Variants in DUOX2 observed in about 807,000 individuals in gnomAD.
DUOX2 encodes NADH/NADPH thyroid oxidase p138-tox.
In DUOX2, 185 loss-of-function variants were observed where a neutral mutation model predicts 183.3. The ratio of observed to expected loss-of-function variants is 1.01; its 90% CI spans 0.90 to 1.14. DUOX2 has a LOEUF of 1.14. Among genes scored for constraint, DUOX2 ranks in the 50% most tolerant of loss-of-function variants. The pLI is 0.00. For missense variants in DUOX2, 1,999 were observed against 2,022.9 expected (o/e 0.99, Z 0.23); for synonymous variants, 788 against 812.4 (o/e 0.97, Z 0.51).
At chr15:45,094,753 C>T in intron 32 of DUOX2, 62 bp from the exon 33 acceptor site, 1 of 1,606,334 alleles carries the variant, frequency 6.2e-7, no homozygotes, top group Non-Finnish European at 8.5e-7. Flanking sequence ...CCCGAGCCAG[C>T]CCACATAGCC....
At chr15:45,100,543 T>A in intron 23 of DUOX2, 1 of 631,318 alleles carries the variant, frequency 1.6e-6, no homozygotes, top group East Asian at 2.7e-5. Context: ...ACTATCATCC[T>A]GTTGAGCCAG....
chr15:45,097,355 G>T lies in DUOX2; in HGVS notation c.3730C>A (p.Pro1244Thr). Residue 1244 changes from proline to threonine, a missense_variant, in exon 29 of 34, where the codon CCC becomes ACC. Around this residue, in one of 3 missense-constraint regions of DUOX2, gnomAD observed 1,628 missense variants for 1,608.6 expected, o/e 1.01. Coordinates refer to ENST00000389039, the MANE Select transcript of DUOX2 (RefSeq NM_001363711.2). ...IHGSYALIQL[P>T]TFHIYFLVPA... ...ACCAGGAAGTAGATGTGGAAAGTGG[G>T]CAGCTGGATCAGAGCATAGCTGCCA... 6.2e-7 allele frequency: 1 copy of T among 1,614,260 alleles called. No individual in the cohort carries two copies. The highest frequency in any genetic ancestry group is 8.5e-7 in the Non-Finnish European group (1 of 1,180,038).
At position 45,094,674 on chromosome 15, in the gene DUOX2, G is replaced by A. The variant is rs1159282026; in HGVS notation, c.4413C>T (p.His1471=). ...GACTCCGGTTCAGCACTTTCTGGAA[G>A]TGCCGCTCGCAGATGTACTGGGGGC... The part of the protein sequence containing the change: ...RTTMLYICER[H]FQKVLNRSLF... The change falls in exon 33 of 34, where the codon CAC becomes CAT. Residue 1471 remains histidine, a synonymous_variant. Coordinates refer to ENST00000389039, the MANE Select transcript of DUOX2 (RefSeq NM_001363711.2). 1.2e-6 allele frequency: 2 copies of A among 1,614,018 alleles called. No homozygotes were observed. Among genetic ancestry groups the A allele is most frequent in the East Asian group, 2.2e-5 (1 of 44,890 alleles).
At chr15:45,105,096 T>C (rs796625398) in intron 18 of DUOX2, among the ~76,000 whole-genome samples, 8 of 152,336 alleles carry the variant, frequency 5.3e-5, no homozygotes, top group Non-Finnish European at 7.3e-5. Flanking sequence ...GCTGGGATTA[T>C]AGGCATGAGC....
intron 29 of DUOX2, 134 bp from the exon 30 acceptor site, chr15:45,096,194 G>C (rs1893896431): frequency 3.9e-6 from 3 of 760,434 alleles, no homozygotes; most frequent in Non-Finnish European, 4.6e-6. Context: ...CGGGGCTCCT[G>C]GGGCTGGGAG....
chr15:45,110,094 A>G, intron 9 of DUOX2, 114 bp from the exon 10 acceptor site: 2 of 929,328 alleles, frequency 2.2e-6, no homozygotes, highest in Non-Finnish European at 3.5e-6. Flanking sequence ...TGGCCCAGGA[A>G]CTTCCTTGAA....
At position 45,104,380 on chromosome 15, in the gene DUOX2, C is replaced by A. The variant is rs991590337; in HGVS notation, c.2335-15G>T. 7.4e-6 allele frequency: 12 copies of A among 1,611,782 alleles called. No individual in the cohort carries two copies. The Admixed American group carries it at 1.7e-4, about 22-fold the overall frequency. ...ATGTCCAGCACCTGCACTCGGGCAG[C>A]AGCAGAGGGAGGGAAAGAGAAGGAG... On this transcript the variant is annotated splice_polypyrimidine_tract_variant and intron_variant, in intron 18 of 33. Coordinates refer to ENST00000389039, the MANE Select transcript of DUOX2 (RefSeq NM_001363711.2).
chr15:45,101,735 C>T, intron 21 of DUOX2, 58 bp downstream of exon 21: 1 of 1,611,712 alleles, frequency 6.2e-7, no homozygotes, highest in South Asian at 1.1e-5. Flanking sequence ...CCACCAGGAA[C>T]TCTCATTTTG....
At chr15:45,102,850 C>T (rs1894117316) in intron 20 of DUOX2, among the ~76,000 whole-genome samples, 1 of 152,196 alleles carries the variant, frequency 6.6e-6, no homozygotes, top group Non-Finnish European at 1.5e-5. Flanking sequence ...GACGTGGTGG[C>T]ACATGCCTGT....
chr15:45,095,709 C>T, intron 30 of DUOX2, 114 bp from the exon 31 acceptor site: 1 of 1,550,604 alleles, frequency 6.4e-7, no homozygotes, highest in South Asian at 1.1e-5. Flanking sequence ...TCTGAGGCAC[C>T]CCGGTCCTCT....
Position 45,113,136 on chromosome 15 carries a change from C to T in DUOX2, c.71-60G>A, listed in dbSNP as rs879409851. 12 of 1,563,460 alleles carry T rather than the reference C, an allele frequency of 7.7e-6. No individual in the cohort carries two copies. The East Asian group carries it at 1.4e-4, about 18-fold the overall frequency. On this transcript the variant is annotated intron_variant, in intron 2 of 33. Coordinates refer to ENST00000389039, the MANE Select transcript of DUOX2 (RefSeq NM_001363711.2). ...GCTCCCAGCTACCCCTCCCGAGCAA[C>T]GAAGGCCTTGGCCAGTCCTTCCCCA... is the stretch of plus-strand genomic sequence containing the variant.
At chr15:45,094,752 G>A (rs978076544) in intron 32 of DUOX2, 61 bp from the exon 33 acceptor site, 7 of 1,606,276 alleles carry the variant, frequency 4.4e-6, no homozygotes, top group Non-Finnish European at 5.1e-6. Flanking sequence ...GCCCGAGCCA[G>A]CCCACATAGC....
At position 45,095,942 on chromosome 15, in the gene DUOX2, G is replaced by C. The variant is rs61730032; in HGVS notation, c.3966C>G (p.Ser1322=). The change falls in exon 30 of 34, where the codon TCC becomes TCG. Residue 1322 remains serine, a synonymous_variant. Transcript: ENST00000389039. ...GGCTGAGTGTGTCCTCATGGGGCGC[G>C]GAGGTCAGTGTGAAGGGGTGGTACT... is the stretch of plus-strand genomic sequence containing the variant. ...TTEYHPFTLT[S]APHEDTLSLH... is the part of the protein sequence containing the mutation. 6 of 1,613,970 alleles carry C rather than the reference G, an allele frequency of 3.7e-6. No individual in the cohort carries two copies. Among genetic ancestry groups the C allele is most frequent in the Non-Finnish European group, 5.1e-6 (6 of 1,179,988 alleles).
At position 45,108,879 on chromosome 15, in the gene DUOX2, C is replaced by T. The variant is rs777851279; in HGVS notation, c.1308G>A (p.Met436Ile). 55 of 1,614,114 alleles carry T rather than the reference C, an allele frequency of 3.4e-5. No homozygotes were observed. The Admixed American group carries it at 7.2e-4, about 21-fold the overall frequency. ...GGGCCTGGCTATAGCTGGGCAGCCC[C>T]ATATCTCGGCCACGTTGGATGCTGC... The part of the protein sequence containing the change: ...VASSIQRGRD[M>I]GLPSYSQALL... The change falls in exon 12 of 34, where the codon ATG becomes ATA. Residue 436 changes from methionine to isoleucine, a missense_variant. Met to Ile is a conservative substitution (Grantham distance 10). Coordinates refer to ENST00000389039, the MANE Select transcript of DUOX2 (RefSeq NM_001363711.2).
rs1311963824 is a variant in DUOX2, at chr15:45,107,468, G to A, written c.1575-5C>T. 1 of 1,614,046 alleles carries A rather than the reference G, an allele frequency of 6.2e-7. No individual in the cohort carries two copies. Among genetic ancestry groups the A allele is most frequent in the East Asian group, 2.2e-5 (1 of 44,884 alleles). ...ATCTCCTTCTTGGAGAACAGCCTAA[G>A]TTGGAGGAAGTAGAAGTCACTGGGA... On this transcript the variant is annotated splice_region_variant and splice_polypyrimidine_tract_variant and intron_variant, in intron 13 of 33. Coordinates refer to ENST00000389039, the MANE Select transcript of DUOX2 (RefSeq NM_001363711.2).
chr15:45,095,463 A>G lies in DUOX2; in HGVS notation c.4213T>C (p.Leu1405=). Residue 1405 remains leucine (L), a synonymous_variant, in exon 31 of 34, where the codon TTG becomes CTG. Coordinates refer to ENST00000389039, the MANE Select transcript of DUOX2 (RefSeq NM_001363711.2). ...TTCTTACACAGCATTTGGCTGCCCA[A>G]GGATGACTTGAAGACCAGGTCTTTG... ...ILKDLVFKSS[L]GSQMLCKKIY... The G allele has an allele frequency of 6.2e-7, 1 of 1,614,240 alleles. No homozygotes were observed. Among genetic ancestry groups the G allele is most frequent in the South Asian group, 1.1e-5 (1 of 91,092 alleles).
At chr15:45,109,857 C>T (rs769076002) in intron 10 of DUOX2, 33 bp downstream of exon 10, 3 of 1,598,848 alleles carry the variant, frequency 1.9e-6, no homozygotes, top group South Asian at 2.2e-5. Flanking sequence ...CTGACCTTGA[C>T]CCATCTTCCC....
chr15:45,097,432 G>C, intron 28 of DUOX2, 41 bp from the exon 29 acceptor site: 2 of 1,614,110 alleles, frequency 1.2e-6, no homozygotes, highest in Non-Finnish European at 1.7e-6. Flanking sequence ...GCCCAGCCAG[G>C]CCCCTGCCCG....
rs768334494 is a variant in DUOX2, at chr15:45,094,609, G to A, written c.4478C>T (p.Pro1493Leu). 3 of 1,614,078 alleles carry A rather than the reference G, an allele frequency of 1.9e-6. No homozygotes were observed. Among genetic ancestry groups the A allele is most frequent in the South Asian group, 1.1e-5 (1 of 91,066 alleles). ...GLRSITHFGRPPFEPFFNSLQ... is the reference protein window; with the variant it reads ...GLRSITHFGRLPFEPFFNSLQ... ...GGAGTTGAAGAAGGGCTCGAAGGGG[G>A]GACGGCCAAAGTGGGTGATGGAGCG... Residue 1493 changes from proline (P) to leucine (L), a missense_variant, in exon 33 of 34, where the codon CCC (proline) becomes CTC (leucine). By Grantham distance (98) the Pro-to-Leu change is moderately conservative. Transcript: ENST00000389039.
Sources: allele counts gnomAD v4.1 joint callset (sites outside exome capture counted in the v4.1 genomes callset), GRCh38; gene constraint gnomAD v4.1.1; regional missense constraint gnomAD v4.1.1; transcripts MANE v1.5; gene names NCBI Gene and HGNC (gene_info 2026-07-23, HGNC 2026-07-21).